Variants in RFC1 observed in about 807,000 individuals in gnomAD.
RFC1 encodes replication factor C subunit 1.
Under a neutral mutation model 137.4 loss-of-function variants are expected in RFC1, and 37 were observed. That is an observed-to-expected ratio of 0.27 (90% CI 0.21 to 0.35). The LOEUF is 0.35. RFC1 is among the 10% of genes least tolerant of loss of function. The pLI is 1.00. For synonymous variants in RFC1, 429 were observed against 455.7 expected (o/e 0.94, Z 0.75); for missense variants, 1,205 against 1,358.5 (o/e 0.89, Z 1.78).
chr4:39,304,777 T>A (rs199698889), intron 15 of RFC1, 37 bp downstream of exon 15: 395 of 1,142,312 alleles, frequency 3.5e-4, no homozygotes, highest in Middle Eastern at 9.7e-4. Context: ...CATATTTTTC[T>A]TATATAACAA....
At chr4:39,321,426 C>T in intron 7 of RFC1, 52 bp from the exon 8 acceptor site, 2 of 1,515,660 alleles carry the variant, frequency 1.3e-6, no homozygotes, top group Non-Finnish European at 1.8e-6. Context: ...AAAACTATTA[C>T]CATAAAATCT....
intron 5 of RFC1, among the ~76,000 whole-genome samples, 199 bp from the exon 6 acceptor site, chr4:39,326,839 G>A (rs1578140949): frequency 6.6e-6 from 1 of 152,046 alleles, no homozygotes; most frequent in Non-Finnish European, 1.5e-5. Context: ...ATATCCTATA[G>A]ACAGACCTGT....
intron 22 of RFC1, among the ~76,000 whole-genome samples, chr4:39,294,710 A>C (rs1392328863): frequency 6.6e-6 from 1 of 151,866 alleles, no homozygotes; most frequent in Admixed American, 6.6e-5. Context: ...AAAAAGAAAA[A>C]TGAATCCATA....
intron 1 of RFC1, among the ~76,000 whole-genome samples, chr4:39,363,282 A>C (rs1578181304): frequency 6.6e-6 from 1 of 151,936 alleles, no homozygotes; most frequent in Non-Finnish European, 1.5e-5. Context: ...TTTTCTTTCT[A>C]TTTATTTACG....
intron 1 of RFC1, among the ~76,000 whole-genome samples, chr4:39,359,618 C>G (rs1741648815): frequency 6.6e-6 from 1 of 151,850 alleles, no homozygotes; most frequent in African/African-American, 2.4e-5. Context: ...GTCAGGAGAT[C>G]GAGACCATCA....
chr4:39,295,512 TA>T, intron 22 of RFC1, 101 bp downstream of exon 22: 1 of 1,005,112 alleles, frequency 9.9e-7, no homozygotes, highest in Non-Finnish European at 1.4e-6. Context: ...ACCAATAAAA[TA>T]AAAACTAAAA....
chr4:39,292,693 G>A (rs957332056), intron 22 of RFC1, among the ~76,000 whole-genome samples: 3 of 151,378 alleles, frequency 2.0e-5, no homozygotes, highest in Non-Finnish European at 4.4e-5. Context: ...CCAGGCTGGT[G>A]TGCAGTGGTG....
chr4:39,302,547 G>A lies in RFC1; in HGVS notation c.2389C>T (p.Pro797Ser). ...AFKEGLKIPP[P>S]AMNEIILGAN... ...CCCAAAATTATTTCATTCATAGCTG[G>A]AGGGGGAATCTTTAAACCTTCTTTA... The change falls in exon 18 of 25, where the codon CCA becomes TCA. Residue 797 changes from proline (P) to serine (S), a missense_variant. By Grantham distance (74) the Pro-to-Ser change is moderately conservative (BLOSUM62 -1). Coordinates refer to ENST00000349703, the MANE Select transcript of RFC1 (RefSeq NM_002913.5). The A allele has an allele frequency of 6.2e-7, 1 of 1,611,974 alleles. No individual in the cohort carries two copies. Among genetic ancestry groups the A allele is most frequent in the Non-Finnish European group, 8.5e-7 (1 of 1,178,524 alleles).
chr4:39,297,414 T>C (rs1474051825), intron 21 of RFC1, among the ~76,000 whole-genome samples: 1 of 128,974 alleles, frequency 7.8e-6, no homozygotes. Context: ...TTAATCCATC[T>C]TGAATTGATT....
chr4:39,323,202 C>A, intron 7 of RFC1, 138 bp downstream of exon 7: 1 of 520,776 alleles, frequency 1.9e-6, no homozygotes, highest in Non-Finnish European at 3.1e-6. Flanking sequence ...AATGAGCTTC[C>A]CCAAAAACAT....
intron 1 of RFC1, among the ~76,000 whole-genome samples, chr4:39,354,362 G>C (rs1741354415): frequency 6.6e-6 from 1 of 152,126 alleles, no homozygotes; most frequent in Non-Finnish European, 1.5e-5. Context: ...ATTAACATTT[G>C]CTGTCCAGTG....
intron 9 of RFC1, among the ~76,000 whole-genome samples, chr4:39,318,608 T>G (rs1739366259): frequency 6.6e-6 from 1 of 152,190 alleles, no homozygotes; most frequent in Non-Finnish European, 1.5e-5. Context: ...CTTTAAAAAG[T>G]ACAGTGAAGA....
Position 39,288,807 on chromosome 4 carries a change from T to C in RFC1, c.3398A>G (p.Lys1133Arg). The stretch of plus-strand genomic sequence containing the variant: ...TTTTCCTTTTCTGGGCTCCTTATCT[T>C]TTTCTGGTTTTGAAGGCTTTGAAGA... The part of the protein sequence containing the change: ...TKSSKPSKPE[K>R]DKEPRKGKGK... The change falls in exon 25 of 25, where the codon AAA becomes AGA. Residue 1133 changes from lysine to arginine, a missense_variant. By Grantham distance (26) the Lys-to-Arg change is conservative. Coordinates refer to ENST00000349703, the MANE Select transcript of RFC1 (RefSeq NM_002913.5). The C allele has an allele frequency of 6.2e-7, 1 of 1,612,574 alleles. No homozygotes were observed. Among genetic ancestry groups the C allele is most frequent in the Non-Finnish European group, 8.5e-7 (1 of 1,179,392 alleles).
chr4:39,295,774 A>ATT lies in RFC1; in HGVS notation c.2809-17_2809-16dup. 1 of 1,606,398 alleles carries ATT rather than the reference A, an allele frequency of 6.2e-7. No individual in the cohort carries two copies. Among genetic ancestry groups the ATT allele is most frequent in the South Asian group, 1.1e-5 (1 of 89,720 alleles). ...GCATAAATGGCCTGAAAAAAAATCA[A>ATT]TTGCAGTCCAGAATTTATGTTCCGT... is the stretch of plus-strand genomic sequence containing the variant. On this transcript the variant is annotated splice_polypyrimidine_tract_variant and intron_variant, in intron 21 of 24. Transcript: ENST00000349703.
chr4:39,302,831 C>T lies in RFC1; in HGVS notation c.2246G>A (p.Cys749Tyr), dbSNP rs1178739379. 1 of 1,593,834 alleles carries T rather than the reference C, an allele frequency of 6.3e-7. No individual in the cohort carries two copies. Among genetic ancestry groups the T allele is most frequent in the South Asian group, 1.2e-5 (1 of 86,492 alleles). The change falls in exon 17 of 25, where the codon TGT becomes TAT. Residue 749 changes from cysteine (C) to tyrosine (Y), a missense_variant. Transcript: ENST00000349703. ...GGGATGATTTCTATCATTGCACATA[C>T]AAATAATGGGAATTTTAGTATGTTT... Reference protein sequence around the residue: ...LIKHTKIPIICMCNDRNHPKI... With the variant: ...LIKHTKIPIIYMCNDRNHPKI...
At chr4:39,348,295 C>T (rs566436617) in intron 2 of RFC1, among the ~76,000 whole-genome samples, 27 of 150,252 alleles carry the variant, frequency 1.8e-4, no homozygotes, top group African/African-American at 4.1e-4. Flanking sequence ...TGGTGGCACG[C>T]GACTATAGTC....
At position 39,302,327 on chromosome 4, in the gene RFC1, T is replaced by A; in HGVS notation, c.2486A>T (p.Tyr829Phe). The A allele has an allele frequency of 1.2e-6, 2 of 1,613,540 alleles. No individual in the cohort carries two copies. Among genetic ancestry groups the A allele is most frequent in the South Asian group, 2.2e-5 (2 of 91,068 alleles). Residue 829 changes from tyrosine (Y) to phenylalanine (F), a missense_variant, in exon 19 of 25, where the codon TAT (tyrosine) becomes TTT (phenylalanine). Physicochemically the swap from Tyr to Phe is conservative, Grantham distance 22 (BLOSUM62 3). Transcript: ENST00000349703. The stretch of plus-strand genomic sequence containing the variant: ...GTGAGAATCAGCTTTGGCCTGGTCA[T>A]AGGTTAATGCTTTACTTCGTGCACA... Reference protein sequence around the residue: ...MWCARSKALTYDQAKADSHRA... With the variant: ...MWCARSKALTFDQAKADSHRA...
intron 4 of RFC1, among the ~76,000 whole-genome samples, chr4:39,338,079 A>G (rs1740445911): frequency 6.6e-6 from 1 of 152,198 alleles, no homozygotes; most frequent in South Asian, 2.1e-4. Context: ...AAGTAAATAT[A>G]TTTACCCAGT....
At position 39,323,524 on chromosome 4, in the gene RFC1, C is replaced by T; in HGVS notation, c.643-107G>A. ...TTAGAAGAAACTAGAAAAACATTTT[C>T]CAGAAAATAATTATGACATTTTCCC... On this transcript the variant is annotated intron_variant, in intron 6 of 24. Coordinates refer to ENST00000349703, the MANE Select transcript of RFC1 (RefSeq NM_002913.5). 7.5e-6 allele frequency: 7 copies of T among 935,520 alleles called. No homozygotes were observed. In the South Asian group the frequency reaches 1.1e-4, roughly 14 times the overall value. 58.0% of individuals were successfully genotyped at this position (935,520 alleles called of 1,614,324 possible). A position where few individuals can be genotyped will look rare whatever the true frequency, so the allele number is the denominator to read the frequency against.
Sources: gnomAD v4.1 joint callset for allele counts (sites outside exome capture counted in the v4.1 genomes callset) on GRCh38, gnomAD v4.1.1 for gene constraint, MANE v1.5 for transcripts, NCBI Gene and HGNC (gene_info 2026-07-23, HGNC 2026-07-21) for gene names.